CCDC150: variants seen among roughly 807,000 people sequenced by gnomAD.
The protein encoded by CCDC150 is coiled-coil domain-containing protein 150.
CCDC150 carries 151 observed loss-of-function variants against 156.5 expected under a neutral mutation model. That is an observed-to-expected ratio of 0.97 (90% CI 0.85 to 1.10). The LOEUF (loss-of-function observed/expected upper bound fraction) is 1.10, where lower values mean the gene tolerates loss of function less well. Among genes scored for constraint, CCDC150 ranks in the 50% least tolerant of loss-of-function variants. CCDC150 has a pLI of 0.00. For missense variants in CCDC150, 1,312 were observed against 1,268.1 expected (o/e 1.03, Z -0.53); for synonymous variants, 452 against 429.4 (o/e 1.05, Z -0.65).
At chr2:196,640,402 G>A (rs1692143001) in intron 1 of CCDC150, among the ~76,000 whole-genome samples, 1 of 152,118 alleles carries the variant, frequency 6.6e-6, no homozygotes, top group African/African-American at 2.4e-5. Flanking sequence ...TAATCTTGGC[G>A]TGCTCAGGAC....
At chr2:196,695,480 T>TTTCAGA (rs1695760430) in intron 14 of CCDC150, among the ~76,000 whole-genome samples, 1 of 152,104 alleles carries the variant, frequency 6.6e-6, no homozygotes, top group Admixed American at 6.5e-5. Context: ...AGGCAATCAG[T>TTTCAGA]AATAAGTCTG....
chr2:196,686,184 G>A, intron 13 of CCDC150: 1 of 291,604 alleles, frequency 3.4e-6, no homozygotes, highest in Non-Finnish European at 6.7e-6. Flanking sequence ...AACTGCTGCT[G>A]GAATGCTTAC....
intron 13 of CCDC150, among the ~76,000 whole-genome samples, chr2:196,680,830 A>G (rs1183934290): frequency 2.0e-5 from 3 of 152,290 alleles, no homozygotes; most frequent in East Asian, 3.9e-4. Flanking sequence ...CCATTTTACA[A>G]TCCCACCAGC....
chr2:196,713,678 G>T, intron 17 of CCDC150: 1 of 1,410,592 alleles, frequency 7.1e-7, no homozygotes, highest in Non-Finnish European at 9.3e-7. Flanking sequence ...TCTTAAACAG[G>T]ACTCGGTAAG....
At chr2:196,661,403 C>A (rs1017811788) in intron 5 of CCDC150, among the ~76,000 whole-genome samples, 1 of 152,168 alleles carries the variant, frequency 6.6e-6, no homozygotes, top group Admixed American at 6.5e-5. Context: ...TGGGTCCTCA[C>A]ATGCTCTTTT....
At chr2:196,718,747 G>A in intron 18 of CCDC150, 116 bp downstream of exon 18, 1 of 1,301,882 alleles carries the variant, frequency 7.7e-7, no homozygotes, top group Non-Finnish European at 1.0e-6. Context: ...GATCAGGGGA[G>A]GATTTCTTTT....
At chr2:196,696,407 T>A (rs1420752234) in intron 14 of CCDC150, among the ~76,000 whole-genome samples, 1 of 152,214 alleles carries the variant, frequency 6.6e-6, no homozygotes, top group Non-Finnish European at 1.5e-5. Flanking sequence ...TTCAGCCATG[T>A]CCTTTGCTGG....
At chr2:196,698,627 C>G (rs1276949466) in intron 14 of CCDC150, among the ~76,000 whole-genome samples, 1 of 152,138 alleles carries the variant, frequency 6.6e-6, no homozygotes, top group East Asian at 1.9e-4. Flanking sequence ...TATGTTCTTA[C>G]CTATGCTTTA....
In CCDC150 at chr2:196,666,828, C is replaced by G; in HGVS notation, c.872C>G (p.Ser291Ter). Reference sequence around the variant, plus strand: ...AAAGAAGAGTTGGAGATTGCTACTTCACAGCTCAAATCTGATCTAAGTATG... The same window carrying G: ...AAAGAAGAGTTGGAGATTGCTACTTGACAGCTCAAATCTGATCTAAGTATG... ...KKKEELEIAT[S>*]QLKSDLTSRD... Residue 291 changes from serine to a stop codon, truncating the protein, a stop_gained, in exon 7 of 28, where the codon TCA becomes TGA. Coordinates refer to ENST00000389175, the MANE Select transcript of CCDC150 (RefSeq NM_001080539.2). LOFTEE classifies it high-confidence loss of function. The G allele has an allele frequency of 6.2e-7, 1 of 1,613,214 alleles. No individual in the cohort carries two copies. The highest frequency in any genetic ancestry group is 8.5e-7 in the Non-Finnish European group (1 of 1,179,536).
intron 1 of CCDC150, among the ~76,000 whole-genome samples, chr2:196,643,299 T>C (rs1692346222): frequency 6.6e-6 from 1 of 152,226 alleles, no homozygotes; most frequent in Non-Finnish European, 1.5e-5. Context: ...AGTTGGTTGC[T>C]CCTTTTTGAA....
At chr2:196,700,075 A>G (rs992246558) in intron 14 of CCDC150, among the ~76,000 whole-genome samples, 1 of 152,240 alleles carries the variant, frequency 6.6e-6, no homozygotes, top group Non-Finnish European at 1.5e-5. Context: ...ACATAAAACA[A>G]AAGTCTAAAA....
chr2:196,672,963 T>G (rs1005352362), intron 9 of CCDC150, among the ~76,000 whole-genome samples: 12 of 152,188 alleles, frequency 7.9e-5, no homozygotes, highest in Admixed American at 3.3e-4. Context: ...TGGAGTTACT[T>G]ATCACAGAGC....
Position 196,683,482 on chromosome 2 carries a change from A to T in CCDC150, c.1509+6121A>T, listed in dbSNP as rs186455946. Among the ~76,000 whole-genome samples, 9 of 152,104 alleles carry T rather than the reference A, an allele frequency of 5.9e-5. No homozygotes were observed. The East Asian group carries it at 1.7e-3, about 29-fold the overall frequency. On this transcript the variant is annotated intron_variant, in intron 13 of 27. Coordinates refer to ENST00000389175, the MANE Select transcript of CCDC150 (RefSeq NM_001080539.2). ...CTGTTCTGTAGTTTTATTTTCTTGT[A>T]ATCTTTTTGGTTTTGGTATCAAGAT...
intron 10 of CCDC150, among the ~76,000 whole-genome samples, chr2:196,674,895 T>G (rs1375252309): frequency 1.3e-5 from 2 of 152,134 alleles, no homozygotes; most frequent in Non-Finnish European, 2.9e-5. Context: ...TACTAAGCAT[T>G]GTGCTAAGGA....
At chr2:196,697,226 G>A (rs1695882749) in intron 14 of CCDC150, among the ~76,000 whole-genome samples, 1 of 152,200 alleles carries the variant, frequency 6.6e-6, no homozygotes, top group Admixed American at 6.5e-5. Flanking sequence ...TTGCCAGGCA[G>A]TAAGGATTAA....
At chr2:196,720,090 C>A in intron 19 of CCDC150, 1 of 398,418 alleles carries the variant, frequency 2.5e-6, no homozygotes, top group Non-Finnish European at 5.1e-6. Flanking sequence ...TTAGGTGAAT[C>A]ATTCTGAGAA....
intron 15 of CCDC150, among the ~76,000 whole-genome samples, chr2:196,705,693 T>C (rs1200114757): frequency 6.6e-6 from 1 of 152,208 alleles, no homozygotes; most frequent in Admixed American, 6.5e-5. Context: ...AGGTCTAACA[T>C]TTAAGTCTTT....
intron 13 of CCDC150, among the ~76,000 whole-genome samples, chr2:196,692,204 G>A (rs1365640103): frequency 3.4e-5 from 5 of 146,280 alleles, no homozygotes; most frequent in East Asian, 4.0e-4. Flanking sequence ...GCGCAATCTC[G>A]GCTCACTGCA....
At chr2:196,720,795 C>A in intron 20 of CCDC150, 127 bp downstream of exon 20, 2 of 787,800 alleles carry the variant, frequency 2.5e-6, no homozygotes, top group Non-Finnish European at 2.0e-6. Flanking sequence ...GAGTTTTGGA[C>A]AGTGACATAT....
Sources: allele counts gnomAD v4.1 joint callset (sites outside exome capture counted in the v4.1 genomes callset), GRCh38; gene constraint gnomAD v4.1.1; transcripts MANE v1.5; gene names NCBI Gene and HGNC (gene_info 2026-07-23, HGNC 2026-07-21).